PPP6R3: variants seen among roughly 807,000 people sequenced by gnomAD.
The protein encoded by PPP6R3 is protein phosphatase 6 regulatory subunit 3.
A neutral mutation model predicts 110.7 loss-of-function variants in PPP6R3; 38 were observed. The observed-to-expected ratio is 0.34, with a 90% CI of 0.26 to 0.45. The LOEUF (loss-of-function observed/expected upper bound fraction) is 0.45. PPP6R3 is among the 20% of genes least tolerant of loss of function. The pLI, the probability that PPP6R3 is intolerant of heterozygous loss-of-function variation, is 1.00. For synonymous variants in PPP6R3, 369 were observed against 373.5 expected (o/e 0.99, Z 0.14); for missense variants, 870 against 1,062.4 (o/e 0.82, Z 2.52).
intron 19 of PPP6R3, among the ~76,000 whole-genome samples, chr11:68,599,213 G>C (rs756278456): frequency 6.6e-6 from 1 of 152,212 alleles, no homozygotes; most frequent in Non-Finnish European, 1.5e-5. Context: ...ATCCCTGATG[G>C]AATGCAGTGG....
chr11:68,546,913 T>TA (rs2099351435), intron 4 of PPP6R3, among the ~76,000 whole-genome samples: 2 of 152,320 alleles, frequency 1.3e-5, no homozygotes, highest in East Asian at 3.9e-4. Flanking sequence ...CTTTCTCCTC[T>TA]ACTGTCCTTT....
intron 10 of PPP6R3, among the ~76,000 whole-genome samples, chr11:68,569,272 A>G (rs1240345718): frequency 6.6e-6 from 1 of 152,166 alleles, no homozygotes; most frequent in East Asian, 1.9e-4. Context: ...AATACTTCAC[A>G]TCCCCATTTA....
At chr11:68,612,962 A>ATGTT in intron 23 of PPP6R3, 104 bp from the exon 24 acceptor site, 1 of 1,565,234 alleles carries the variant, frequency 6.4e-7, no homozygotes, top group Non-Finnish European at 8.6e-7. Flanking sequence ...GTTCAAAACA[A>ATGTT]TGTTAAAATA....
chr11:68,598,307 T>C (rs1332090691), intron 19 of PPP6R3, among the ~76,000 whole-genome samples: 2 of 152,224 alleles, frequency 1.3e-5, no homozygotes, highest in Non-Finnish European at 2.9e-5. Context: ...TTGGTTCTTT[T>C]AGCAGGCTGG....
At chr11:68,518,857 T>C (rs961557076) in intron 1 of PPP6R3, among the ~76,000 whole-genome samples, 1 of 152,194 alleles carries the variant, frequency 6.6e-6, no homozygotes, top group African/African-American at 2.4e-5. Context: ...TTCTTTTTTT[T>C]TGGCCCTGTC....
rs1944433219 is a variant in PPP6R3, at chr11:68,613,188, T to G, written c.*71T>G. The G allele has an allele frequency of 2.5e-6, 4 of 1,597,346 alleles. No individual in the cohort carries two copies. The highest frequency in any genetic ancestry group is 1.9e-4 in the Middle Eastern group (1 of 5,360). On this transcript the variant is annotated 3_prime_UTR_variant, in exon 24 of 24. Coordinates refer to ENST00000393800, the MANE Select transcript of PPP6R3 (RefSeq NM_001164161.2). ...ACTCAGGGGCTCTGGAGGGGTCAGCTGGAGCCCACCAAGCTGTCACTGCTG... is the reference window on the plus strand; with the variant it reads ...ACTCAGGGGCTCTGGAGGGGTCAGCGGGAGCCCACCAAGCTGTCACTGCTG...
intron 1 of PPP6R3, among the ~76,000 whole-genome samples, chr11:68,489,580 T>G (rs1395953109): frequency 2.7e-5 from 3 of 110,492 alleles, no homozygotes; most frequent in African/African-American, 1.3e-4. Context: ...GTGTGTGTGT[T>G]TTAATGAACA....
intron 14 of PPP6R3, 103 bp from the exon 15 acceptor site, chr11:68,582,940 C>A: frequency 1.1e-6 from 1 of 891,618 alleles, no homozygotes; most frequent in Admixed American, 3.0e-5. Context: ...TTTTCTGTTA[C>A]ACGTTGAGAA....
At chr11:68,496,006 A>G (rs1414967591) in intron 1 of PPP6R3, among the ~76,000 whole-genome samples, 2 of 152,082 alleles carry the variant, frequency 1.3e-5, no homozygotes, top group African/African-American at 4.8e-5. Flanking sequence ...GTTTTTTGAG[A>G]CAGCGTCTCA....
chr11:68,508,791 ACAGGGTTAGG>A (rs1440513088), intron 1 of PPP6R3, among the ~76,000 whole-genome samples: 83 of 146,288 alleles, frequency 5.7e-4, no homozygotes, highest in African/African-American at 2.1e-3. Context: ...AGGTTGTGTG[ACAGGGTTAGG>A]TTGTGTGACA....
intron 12 of PPP6R3, chr11:68,571,318 TGA>T: frequency 1.6e-6 from 1 of 620,914 alleles, no homozygotes; most frequent in South Asian, 2.2e-5. Flanking sequence ...GCAAAACAAG[TGA>T]GTTCGGAGTG....
chr11:68,479,844 T>G (rs1211835198), intron 1 of PPP6R3, among the ~76,000 whole-genome samples: 1 of 152,066 alleles, frequency 6.6e-6, no homozygotes, highest in Admixed American at 6.6e-5. Context: ...ACTCATGTGA[T>G]CCTCCCACCT....
chr11:68,568,705 A>G (rs1034557270), intron 10 of PPP6R3, among the ~76,000 whole-genome samples: 5 of 151,988 alleles, frequency 3.3e-5, no homozygotes, highest in African/African-American at 1.2e-4. Flanking sequence ...GCCATGTTGC[A>G]TCTCATACAA....
chr11:68,598,228 G>A (rs889062722), intron 19 of PPP6R3, among the ~76,000 whole-genome samples: 3 of 152,126 alleles, frequency 2.0e-5, no homozygotes, highest in Non-Finnish European at 2.9e-5. Context: ...AATGTCTTCA[G>A]AGTTCATCCC....
intron 1 of PPP6R3, among the ~76,000 whole-genome samples, chr11:68,517,015 G>A (rs144994411): frequency 2.6e-5 from 4 of 151,874 alleles, no homozygotes; most frequent in African/African-American, 4.8e-5. Flanking sequence ...GGGTCATGCC[G>A]TTTAACAGTG....
At chr11:68,477,728 TAAAA>T (rs1181714569) in intron 1 of PPP6R3, among the ~76,000 whole-genome samples, 10,406 of 77,230 alleles carry the variant, frequency 0.13, 839 homozygotes, top group Admixed American at 0.25. Context: ...CATTGTCTCT[TAAAA>T]AAAAAAAAAA....
chr11:68,592,277 A>T (rs980813931), intron 18 of PPP6R3, among the ~76,000 whole-genome samples: 1 of 152,104 alleles, frequency 6.6e-6, no homozygotes, highest in African/African-American at 2.4e-5. Flanking sequence ...GGAATATTTG[A>T]TCAGCAGCTT....
intron 14 of PPP6R3, among the ~76,000 whole-genome samples, chr11:68,578,783 A>G (rs566662715): frequency 6.2e-4 from 94 of 152,308 alleles, no homozygotes; most frequent in African/African-American, 2.1e-3. Flanking sequence ...TTTTGGCTCC[A>G]TCATACCCAA....
intron 1 of PPP6R3, among the ~76,000 whole-genome samples, chr11:68,462,898 G>A (rs1217939557): frequency 6.6e-6 from 1 of 152,148 alleles, no homozygotes; most frequent in African/African-American, 2.4e-5. Context: ...GGAACTTAAG[G>A]ACAGGAAGAA....
Sources: gnomAD v4.1 joint callset for allele counts (sites outside exome capture counted in the v4.1 genomes callset) on GRCh38, gnomAD v4.1.1 for gene constraint, MANE v1.5 for transcripts, NCBI Gene and HGNC (gene_info 2026-07-23, HGNC 2026-07-21) for gene names.